The following SYT3 variants were observed in gnomAD, a reference collection of about 807,000 sequenced individuals.
The protein encoded by SYT3 is synaptotagmin 3.
A neutral mutation model predicts 50.6 loss-of-function variants in SYT3; 25 were observed. The observed-to-expected ratio is 0.49, with a 90% CI of 0.36 to 0.69. The LOEUF is 0.69. Among genes scored for constraint, SYT3 ranks in the 30% least tolerant of loss-of-function variants. SYT3 has a pLI of 0.00. For synonymous variants in SYT3, 323 were observed against 353.9 expected (o/e 0.91, Z 0.98); for missense variants, 589 against 793.6 (o/e 0.74, Z 3.10).
In SYT3 at chr19:50,632,346, C is replaced by A; in HGVS notation, c.614G>T (p.Gly205Val). 1.2e-6 allele frequency: 2 copies of A among 1,608,250 alleles called. No homozygotes were observed. The highest frequency in any genetic ancestry group is 2.2e-5 in the South Asian group (2 of 90,884). The change falls in exon 4 of 11, where the codon GGT (glycine) becomes GTT (valine). Residue 205 changes from glycine (G) to valine (V), a missense_variant. Physicochemically the swap from Gly to Val is moderately radical, Grantham distance 109. Transcript: ENST00000600079. The surrounding 1 kb of genome is among the most constrained non-coding windows in gnomAD (Gnocchi z 4.7). ...TGACTGGGCACTGGGCAAGCCCCCA[C>A]CACTGGGGGGCAGCAGGAGCAACCC... ...GSGLLLLPPS[G>V]GGLPSAQSHQ...
chr19:50,642,289 A>G (rs1404467001), upstream of SYT3, among the ~76,000 whole-genome samples: 1 of 152,238 alleles, frequency 6.6e-6, no homozygotes, highest in East Asian at 1.9e-4. Flanking sequence ...TGATGCACAC[A>G]CTCAGAGATG....
At chr19:50,649,776 T>G in the SYT3 span, 1 of 591,196 alleles carries the variant, frequency 1.7e-6, no homozygotes, top group South Asian at 1.5e-5. Context: ...AAGCAACACC[T>G]CTGAGGCCAT....
chr19:50,655,686 GTGT>G, the SYT3 span, among the ~76,000 whole-genome samples: 197 of 152,004 alleles, frequency 1.3e-3, no homozygotes, highest in African/African-American at 4.6e-3. Flanking sequence ...CTGGATTCAA[GTGT>G]TGTTACTGAA....
Position 50,632,954 on chromosome 19 carries a change from T to G in SYT3, c.149-143A>C. 1 of 541,466 alleles carries G rather than the reference T, an allele frequency of 1.8e-6. No homozygotes were observed. Among genetic ancestry groups the G allele is most frequent in the Non-Finnish European group, 3.0e-6 (1 of 329,706 alleles). The allele number at this position is 541,466 out of a possible 1,614,324, so 33.5% of individuals were successfully genotyped here. ...GTGCCAGGCACTTTACATGTATTAC[T>G]TAATTTATGTTCTACAACTCTACAA... On this transcript the variant is annotated intron_variant, in intron 3 of 10. Transcript: ENST00000600079. The surrounding 1 kb of genome is among the most constrained non-coding windows in gnomAD (Gnocchi z 4.7).
chr19:50,623,613 C>CAAAAAAAAAAAAAAAAA lies in SYT3; in HGVS notation c.1708-875_1708-859dup, dbSNP rs529397903. Among the ~76,000 whole-genome samples, 28 of 91,612 alleles carry CAAAAAAAAAAAAAAAAA rather than the reference C, an allele frequency of 3.1e-4. 1 individual carries two copies. Among genetic ancestry groups the CAAAAAAAAAAAAAAAAA allele is most frequent in the African/African-American group, 5.7e-4 (13 of 22,916 alleles). The allele number at this position is 91,612 out of a possible 152,430, so 60.1% of individuals were successfully genotyped here. ...ACAACATGGCAAAACCCTGTCTCTA[C>CAAAAAAAAAAAAAAAAA]AAAAAAAAAAAAAAAAAAAAAAAAA... On this transcript the variant is annotated intron_variant, in intron 9 of 10. Coordinates refer to ENST00000600079, the MANE Select transcript of SYT3 (RefSeq NM_001160329.2).
chr19:50,654,957 G>T, the SYT3 span, among the ~76,000 whole-genome samples: 1 of 152,180 alleles, frequency 6.6e-6, no homozygotes, highest in Non-Finnish European at 1.5e-5. Flanking sequence ...CCATACTGTT[G>T]CTTGCCATAT....
intron 9 of SYT3, among the ~76,000 whole-genome samples, chr19:50,623,511 C>T (rs560961559): frequency 5.5e-4 from 83 of 150,768 alleles, no homozygotes; most frequent in African/African-American, 1.7e-3. Context: ...GGCGCGGTGG[C>T]TCACGCCTAT....
At chr19:50,634,312 A>G (rs1984422106) in intron 3 of SYT3, among the ~76,000 whole-genome samples, 1 of 152,172 alleles carries the variant, frequency 6.6e-6, no homozygotes, top group Non-Finnish European at 1.5e-5. Context: ...GCCGGCAAGG[A>G]CAGCTGAGTG....
chr19:50,622,592 C>T, intron 10 of SYT3, 95 bp downstream of exon 10: 3 of 891,712 alleles, frequency 3.4e-6, no homozygotes, highest in Admixed American at 1.8e-5. Context: ...GCAGCCCCTC[C>T]TCCCTCAGAC....
intron 4 of SYT3, among the ~76,000 whole-genome samples, chr19:50,630,399 T>G (rs941655743): frequency 1.8e-4 from 13 of 72,382 alleles, no homozygotes; most frequent in African/African-American, 6.3e-4. Context: ...CCTCCCTCCC[T>G]CCCTCCCTTC....
At position 50,630,071 on chromosome 19, in the gene SYT3, C is replaced by G. The variant is rs1442188615; in HGVS notation, c.775G>C (p.Gly259Arg). 6 of 1,613,818 alleles carry G rather than the reference C, an allele frequency of 3.7e-6. No homozygotes were observed. Among genetic ancestry groups the G allele is most frequent in the Non-Finnish European group, 2.5e-6 (3 of 1,179,954 alleles). The change falls in exon 5 of 11, where the codon GGA becomes CGA. Residue 259 changes from glycine (G) to arginine (R), a missense_variant. This residue lies in a region of SYT3 where 316 missense variants were observed against 354.3 expected (regional missense o/e 0.89). Transcript: ENST00000600079. The part of the protein sequence containing the change: ...RPPALPLPLP[G>R]GEEKAKLIGQ... The stretch of plus-strand genomic sequence containing the variant: ...ATGAGTTTGGCTTTTTCCTCGCCTC[C>G]AGGCAGGGGTAAGGGCAGGGCAGGT...
At chr19:50,626,382 G>A (rs1984062495) in intron 6 of SYT3, among the ~76,000 whole-genome samples, 1 of 152,104 alleles carries the variant, frequency 6.6e-6, no homozygotes, top group African/African-American at 2.4e-5. Context: ...AAGTTCTCAA[G>A]TCAGAGGGAC....
the SYT3 span, among the ~76,000 whole-genome samples, chr19:50,657,241 T>C: frequency 6.6e-6 from 1 of 152,306 alleles, no homozygotes; most frequent in East Asian, 1.9e-4. Flanking sequence ...ATACAGGGAT[T>C]GCTGTCCTCG....
chr19:50,624,780 G>C (rs1366750059), intron 9 of SYT3: 1 of 165,496 alleles, frequency 6.0e-6, no homozygotes, highest in Non-Finnish European at 1.3e-5. Flanking sequence ...TCAAACTCCT[G>C]ACCTCAGGTG....
chr19:50,629,942 G>A lies in SYT3; in HGVS notation c.904C>T (p.Arg302Cys), dbSNP rs1474986921. The change falls in exon 5 of 11, where the codon CGT becomes TGT. Residue 302 changes from arginine to cysteine, a missense_variant. Transcript: ENST00000600079. ...GEAGTGAPCG[R>C]ISFALRYLYG... Reference sequence around the variant, plus strand: ...AGGTACCGCAGGGCGAAGCTGATACGGCCACAGGGTGCCCCTGTGCCTGCC... The same window carrying A: ...AGGTACCGCAGGGCGAAGCTGATACAGCCACAGGGTGCCCCTGTGCCTGCC... The A allele has an allele frequency of 7.4e-6, 12 of 1,613,810 alleles. No homozygotes were observed. Among genetic ancestry groups the A allele is most frequent in the South Asian group, 4.4e-5 (4 of 91,092 alleles).
chr19:50,639,442 G>C lies in SYT3; in HGVS notation c.-153-280C>G, dbSNP rs899750990. The C allele has an allele frequency of 1.3e-5, 2 of 151,642 alleles. No individual in the cohort carries two copies. The highest frequency in any genetic ancestry group is 1.9e-4 in the East Asian group (1 of 5,172). 9.4% of individuals were successfully genotyped at this position (151,642 alleles called of 1,614,324 possible). On this transcript the variant is annotated intron_variant, in intron 1 of 10. Coordinates refer to ENST00000600079, the MANE Select transcript of SYT3 (RefSeq NM_001160329.2). This position sits in a 1 kb window ranked among gnomAD's most constrained non-coding sequence, Gnocchi z 4.6. ...TTTTTTTTTTTTTTTTAAGGTTTTG[G>C]GGGGTTAAGATGCTGGGGTCCCAAG...
chr19:50,629,776 C>A lies in SYT3; in HGVS notation c.1062+8G>T, dbSNP rs778375361. ...TGGGAACCCGGTGTCCAGCCCGCTGCTCCGGACCTTGGTCTGAAACTTTTT... is the reference window on the plus strand; with the variant it reads ...TGGGAACCCGGTGTCCAGCCCGCTGATCCGGACCTTGGTCTGAAACTTTTT... On this transcript the variant is annotated splice_region_variant and intron_variant, in intron 5 of 10. Coordinates refer to ENST00000600079, the MANE Select transcript of SYT3 (RefSeq NM_001160329.2). 6.2e-7 allele frequency: 1 copy of A among 1,608,902 alleles called. No homozygotes were observed. The highest frequency in any genetic ancestry group is 8.5e-7 in the Non-Finnish European group (1 of 1,177,192).
chr19:50,628,624 G>A (rs1435900004), intron 6 of SYT3, among the ~76,000 whole-genome samples: 2 of 152,096 alleles, frequency 1.3e-5, no homozygotes, highest in Non-Finnish European at 2.9e-5. Flanking sequence ...AGGGACTGGG[G>A]CTTCCAGAAG....
Position 50,632,172 on chromosome 19 carries a change from T to G in SYT3, c.674+114A>C. 4.2e-6 allele frequency: 5 copies of G among 1,184,758 alleles called. No individual in the cohort carries two copies. The highest frequency in any genetic ancestry group is 5.8e-6 in the Non-Finnish European group (5 of 858,064). The allele number at this position is 1,184,758 out of a possible 1,614,324, so 73.4% of individuals were successfully genotyped here. On this transcript the variant is annotated intron_variant, in intron 4 of 10. Transcript: ENST00000600079. The surrounding 1 kb of genome is among the most constrained non-coding windows in gnomAD (Gnocchi z 4.7). Reference sequence around the variant, plus strand: ...CTCCTCTTTCCCTAAGATCCAGGAGTCAATACCCCGATTCCCCTCCAAATC... The same window carrying G: ...CTCCTCTTTCCCTAAGATCCAGGAGGCAATACCCCGATTCCCCTCCAAATC...
Sources: allele counts gnomAD v4.1 joint callset (sites outside exome capture counted in the v4.1 genomes callset), GRCh38; gene constraint gnomAD v4.1.1; regional missense constraint gnomAD v4.1.1; non-coding constraint Gnocchi (gnomAD v3.1); transcripts MANE v1.5; gene names NCBI Gene and HGNC (gene_info 2026-07-23, HGNC 2026-07-21).